The following CEP72 variants were observed in gnomAD, a reference collection of about 807,000 sequenced individuals.
The protein encoded by CEP72 is centrosomal protein of 72 kDa.
CEP72 carries 78 observed loss-of-function variants against 65.7 expected under a neutral mutation model. The observed-to-expected ratio is 1.19, with a 90% CI of 0.99 to 1.43. The LOEUF (loss-of-function observed/expected upper bound fraction) is 1.43. Among genes scored for constraint, CEP72 ranks in the 40% most tolerant of loss-of-function variants. The probability of loss-of-function intolerance (pLI) is 0.00; values close to 1 mark genes in which losing one functional copy is unlikely to be tolerated. For missense variants in CEP72, 914 were observed against 832.9 expected (o/e 1.10, Z -1.20); for synonymous variants, 358 against 351.7 (o/e 1.02, Z -0.20).
At chr5:658,095 G>A (rs762098228), downstream of CEP72, among the ~76,000 whole-genome samples, 11 of 152,350 alleles carry the variant, frequency 7.2e-5, no homozygotes, top group Admixed American at 6.5e-4. Context: ...GAAGTTGTGT[G>A]TGTCCCTGTG....
intron 9 of CEP72, chr5:643,014 A>T: frequency 1.0e-6 from 1 of 985,478 alleles, no homozygotes; most frequent in African/African-American, 1.7e-5. Context: ...GCTTGGGTGC[A>T]GTCGGTCCTC....
chr5:648,828 G>C (rs1214916874), intron 11 of CEP72, among the ~76,000 whole-genome samples: 4 of 133,966 alleles, frequency 3.0e-5, no homozygotes, highest in Non-Finnish European at 4.8e-5. Flanking sequence ...TGACTGTGAG[G>C]TGTGACTGTG....
chr5:640,981 G>A (rs531333716), intron 9 of CEP72: 632 of 985,440 alleles, frequency 6.4e-4, no homozygotes, highest in Non-Finnish European at 7.3e-4. Context: ...AGGAGATGAC[G>A]GCCAGTGTCC....
At chr5:642,038 G>A (rs910868847) in intron 9 of CEP72, 1 of 980,238 alleles carries the variant, frequency 1.0e-6, no homozygotes, top group African/African-American at 1.8e-5. Flanking sequence ...TTAAACACAC[G>A]TGGTCCCCCG....
intron 3 of CEP72, chr5:665,415 A>G (rs1423986826): frequency 2.2e-6 from 2 of 915,780 alleles, no homozygotes; most frequent in Non-Finnish European, 1.6e-6. Flanking sequence ...AGGGGCATAA[A>G]CCCTGGGATT....
At chr5:628,866 C>CTTCT (rs1736996673) in intron 4 of CEP72, among the ~76,000 whole-genome samples, 3 of 82,380 alleles carry the variant, frequency 3.6e-5, no homozygotes, top group African/African-American at 2.0e-4. Context: ...CTTTGTGCAG[C>CTTCT]GTTCTGGAGA....
At chr5:670,713 T>C (rs1231452846), downstream of CEP72, among the ~76,000 whole-genome samples, 2 of 152,088 alleles carry the variant, frequency 1.3e-5, no homozygotes, top group African/African-American at 4.8e-5. Flanking sequence ...AGCCTTGGGG[T>C]TCCCCATGCC....
At chr5:641,409 A>C in intron 9 of CEP72, 1 of 985,446 alleles carries the variant, frequency 1.0e-6, no homozygotes, top group Non-Finnish European at 1.2e-6. Flanking sequence ...TTGCGAGTGA[A>C]GTCGGCCCGG....
Position 614,325 on chromosome 5 carries a change from A to G in CEP72, c.82+1882A>G, listed in dbSNP as rs922086260. On this transcript the variant is annotated intron_variant, in intron 1 of 11. Coordinates refer to ENST00000264935, the MANE Select transcript of CEP72 (RefSeq NM_018140.4). ...ATTTTCTATTATAAACAGTGCCACA[A>G]GTTTCCCTGTAAGCACTGCTTTAGC... Among the ~76,000 whole-genome samples the G allele has an allele frequency of 5.9e-5, 9 of 152,252 alleles. 1 individual carries two copies. In the South Asian group the frequency reaches 1.9e-3, roughly 32 times the overall value.
At chr5:651,531 C>T (rs894660288) in intron 11 of CEP72, among the ~76,000 whole-genome samples, 2 of 151,996 alleles carry the variant, frequency 1.3e-5, no homozygotes, top group African/African-American at 4.8e-5. Context: ...CCCTTCACTG[C>T]AGTGCGTGTT....
At chr5:628,753 A>AGCTTTTGGAGAACTCAGGTCGCC (rs1561037473) in intron 4 of CEP72, among the ~76,000 whole-genome samples, 1 of 45,794 alleles carries the variant, frequency 2.2e-5, no homozygotes, top group African/African-American at 1.5e-4. Flanking sequence ...CTCAGGTTGC[A>AGCTTTTGGAGAACTCAGGTCGCC]GTCCCCGGGG....
At chr5:673,929 A>G in the CEP72 span, among the ~76,000 whole-genome samples, 78 of 152,310 alleles carry the variant, frequency 5.1e-4, no homozygotes, top group East Asian at 0.012. Context: ...AGAGTTCTGC[A>G]TGTGTGTGCA....
downstream of CEP72, among the ~76,000 whole-genome samples, chr5:656,320 G>A (rs766189673): frequency 2.0e-5 from 3 of 152,260 alleles, no homozygotes; most frequent in Admixed American, 6.5e-5. Flanking sequence ...AGAACTAGCC[G>A]GTCGAGTTGG....
chr5:640,276 C>T, intron 8 of CEP72, 132 bp from the exon 9 acceptor site: 1 of 1,243,836 alleles, frequency 8.0e-7, no homozygotes. Context: ...GCGCCAACAC[C>T]CCTTTCCCCT....
chr5:667,902 G>C (rs532409195), downstream of CEP72, among the ~76,000 whole-genome samples: 674 of 65,576 alleles, frequency 0.01, 16 homozygotes, highest in East Asian at 0.015. Context: ...CCGTGTGGGC[G>C]CCGTCAGGGA....
At chr5:658,195 C>A (rs1347734603), downstream of CEP72, among the ~76,000 whole-genome samples, 1 of 152,254 alleles carries the variant, frequency 6.6e-6, no homozygotes, top group Non-Finnish European at 1.5e-5. Context: ...CTCCAGCCAC[C>A]ATGCTGTCAG....
At chr5:669,740 C>T (rs448605), downstream of CEP72, among the ~76,000 whole-genome samples, 47,117 of 151,928 alleles carry the variant, frequency 0.31, 7,446 homozygotes, top group Non-Finnish European at 0.34. Flanking sequence ...CCGAGTGTCT[C>T]GGGGAAAGGG....
chr5:618,839 G>C (rs946770826), intron 1 of CEP72, 151 bp from the exon 2 acceptor site: 2 of 656,224 alleles, frequency 3.0e-6, no homozygotes, highest in Non-Finnish European at 5.1e-6. Context: ...GGCACAGATG[G>C]CCGAGGAGAA....
At chr5:664,978 C>A (rs557250609) in intron 2 of CEP72, 18 of 1,222,272 alleles carry the variant, frequency 1.5e-5, no homozygotes, top group Non-Finnish European at 2.0e-5. Context: ...CTGGCCGCCC[C>A]CCAGCCCCCT....
Sources: allele counts gnomAD v4.1 joint callset (sites outside exome capture counted in the v4.1 genomes callset), GRCh38; gene constraint gnomAD v4.1.1; transcripts MANE v1.5; gene names NCBI Gene and HGNC (gene_info 2026-07-23, HGNC 2026-07-21).